The following TENM3 variants were observed in gnomAD, a reference collection of about 807,000 sequenced individuals.
The protein encoded by TENM3 is teneurin transmembrane protein 3, also known as teneurin-3.
Under a neutral mutation model 255.1 loss-of-function variants are expected in TENM3, and 63 were observed. The observed-to-expected ratio is 0.25, with a 90% CI of 0.20 to 0.30. The LOEUF (loss-of-function observed/expected upper bound fraction) is 0.30. Ranked by LOEUF, TENM3 falls within the 10% of genes least tolerant of loss-of-function variation. The pLI, the probability that TENM3 is intolerant of heterozygous loss-of-function variation, is 1.00. For missense variants in TENM3, 2,929 were observed against 3,461.1 expected (o/e 0.85, Z 3.86); for synonymous variants, 1,306 against 1,322.3 (o/e 0.99, Z 0.27).
the TENM3 span, among the ~76,000 whole-genome samples, chr4:182,011,380 A>T: frequency 1.3e-5 from 2 of 151,802 alleles, no homozygotes; most frequent in Non-Finnish European, 2.9e-5. Context: ...TTTACTTCCT[A>T]TTTATTTCTT....
At chr4:181,877,857 C>T in the TENM3 span, among the ~76,000 whole-genome samples, 3 of 152,136 alleles carry the variant, frequency 2.0e-5, no homozygotes, top group Non-Finnish European at 4.4e-5. Context: ...TACATGGAGG[C>T]TGGAAAATGC....
At chr4:182,621,697 A>ATG (rs1750208731) in intron 4 of TENM3, among the ~76,000 whole-genome samples, 1 of 31,266 alleles carries the variant, frequency 3.2e-5, no homozygotes, top group Non-Finnish European at 5.7e-5. Context: ...AATATATATT[A>ATG]TATATAAAAT....
chr4:182,174,948 A>C (rs1376119622), intron 1 of TENM3, among the ~76,000 whole-genome samples: 1 of 78,750 alleles, frequency 1.3e-5, no homozygotes, highest in African/African-American at 3.9e-5. Context: ...TTTCAACTGA[A>C]ATATTTGTTA....
rs1433248107 is a variant in TENM3, at chr4:182,673,153, C to T, written c.1260C>T (p.Ile420=). ...IDQPQFLKFN[I]SLQKDALIGV... ...AGCCACAGTTTCTTAAATTCAATAT[C>T]TCTCTTCAGAAGGATGCATTGATTG... Residue 420 remains isoleucine, a synonymous_variant, in exon 7 of 28, where the codon ATC becomes ATT. Coordinates refer to ENST00000511685, the MANE Select transcript of TENM3 (RefSeq NM_001080477.4). 2.5e-6 allele frequency: 4 copies of T among 1,613,808 alleles called. No homozygotes were observed. Among genetic ancestry groups the T allele is most frequent in the Non-Finnish European group, 2.5e-6 (3 of 1,179,768 alleles).
intron 21 of TENM3, 66 bp downstream of exon 21, chr4:182,753,670 A>C (rs1372740039): frequency 6.1e-6 from 9 of 1,486,246 alleles, no homozygotes; most frequent in Non-Finnish European, 8.4e-6. Flanking sequence ...CAGTCGGTAG[A>C]CTATGATGGC....
intron 3 of TENM3, among the ~76,000 whole-genome samples, chr4:182,434,589 G>C (rs1771907445): frequency 6.6e-6 from 1 of 151,772 alleles, no homozygotes. Flanking sequence ...CTTGAACCCA[G>C]GAGGCAGAAG....
chr4:181,721,826 T>C, the TENM3 span, among the ~76,000 whole-genome samples: 3 of 151,788 alleles, frequency 2.0e-5, no homozygotes, highest in South Asian at 6.3e-4. Flanking sequence ...GCCTCTCGGC[T>C]TAGACTATGG....
chr4:181,520,827 G>T, the TENM3 span, among the ~76,000 whole-genome samples: 2 of 152,162 alleles, frequency 1.3e-5, no homozygotes, highest in Non-Finnish European at 2.9e-5. Context: ...ACAATTTCAC[G>T]ACCCCAGAAG....
the TENM3 span, among the ~76,000 whole-genome samples, chr4:181,851,534 A>G: frequency 1.3e-5 from 2 of 152,168 alleles, no homozygotes; most frequent in Admixed American, 6.5e-5. Flanking sequence ...TTTTCCTGGT[A>G]TTCCAACAAG....
chr4:181,633,963 TCTC>T, the TENM3 span, among the ~76,000 whole-genome samples: 3 of 151,864 alleles, frequency 2.0e-5, no homozygotes, highest in Admixed American at 2.0e-4. Flanking sequence ...GGGAAGAAGA[TCTC>T]CTCTTTCACC....
At chr4:181,818,937 G>C in the TENM3 span, among the ~76,000 whole-genome samples, 2 of 152,134 alleles carry the variant, frequency 1.3e-5, no homozygotes, top group African/African-American at 4.8e-5. Context: ...CTACTGGCTT[G>C]TTTCTCTGGT....
chr4:181,509,167 A>C, the TENM3 span, among the ~76,000 whole-genome samples: 1 of 152,192 alleles, frequency 6.6e-6, no homozygotes, highest in Admixed American at 6.5e-5. Flanking sequence ...ACTGAAAGGC[A>C]ATTTTCACGA....
chr4:182,414,661 C>A lies in TENM3; in HGVS notation c.511+67732C>A, dbSNP rs139166948. Reference sequence around the variant, plus strand: ...TCTAAACTTGCATAGAAATGTAGTTCACTTTAAAATATGTATAATATTGAA... The same window carrying A: ...TCTAAACTTGCATAGAAATGTAGTTAACTTTAAAATATGTATAATATTGAA... On this transcript the variant is annotated intron_variant, in intron 3 of 27. Transcript: ENST00000511685. Among the ~76,000 whole-genome samples, 34 of 152,146 alleles carry A rather than the reference C, an allele frequency of 2.2e-4. No homozygotes were observed. The East Asian group carries it at 6.6e-3, about 29-fold the overall frequency.
the TENM3 span, among the ~76,000 whole-genome samples, chr4:181,698,213 CAA>C: frequency 5.0e-3 from 603 of 119,466 alleles, 5 homozygotes; most frequent in Admixed American, 0.025. Flanking sequence ...GACTCTGTCT[CAA>C]AAAAAAAAAA....
the TENM3 span, among the ~76,000 whole-genome samples, chr4:181,716,874 C>T: frequency 6.6e-6 from 1 of 152,020 alleles, no homozygotes; most frequent in African/African-American, 2.4e-5. Flanking sequence ...CTTTCTCCAC[C>T]CCACCTCTGG....
chr4:182,527,731 T>C (rs1313807105), intron 3 of TENM3, among the ~76,000 whole-genome samples: 1 of 137,402 alleles, frequency 7.3e-6, no homozygotes, highest in Admixed American at 7.5e-5. Flanking sequence ...TTGTTGTTTT[T>C]GTTTTTTTTG....
chr4:181,742,545 G>A, the TENM3 span, among the ~76,000 whole-genome samples: 2 of 151,972 alleles, frequency 1.3e-5, no homozygotes, highest in African/African-American at 4.8e-5. Flanking sequence ...GGGAAAAAAC[G>A]GACTATGGAC....
chr4:181,472,603 G>T, the TENM3 span, among the ~76,000 whole-genome samples: 1 of 151,350 alleles, frequency 6.6e-6, no homozygotes, highest in African/African-American at 2.4e-5. Flanking sequence ...ACTTGAAGGG[G>T]ATGATTCCTG....
chr4:182,419,003 A>G, intron 3 of TENM3, among the ~76,000 whole-genome samples: 1 of 152,220 alleles, frequency 6.6e-6, no homozygotes, highest in Non-Finnish European at 1.5e-5. Flanking sequence ...ACAGAAGATG[A>G]TAAAAATGGT....
Sources: allele counts gnomAD v4.1 joint callset (sites outside exome capture counted in the v4.1 genomes callset), GRCh38; gene constraint gnomAD v4.1.1; transcripts MANE v1.5; gene names NCBI Gene and HGNC (gene_info 2026-07-23, HGNC 2026-07-21).